CDH26: variants seen among roughly 807,000 people sequenced by gnomAD.
CDH26 encodes the protein cadherin-like protein 26.
Under a neutral mutation model 90.3 loss-of-function variants are expected in CDH26, and 83 were observed. The observed-to-expected ratio is 0.92, with a 90% confidence interval of 0.77 to 1.10. The LOEUF (loss-of-function observed/expected upper bound fraction) is 1.10. Ranked by LOEUF, CDH26 falls within the 50% of genes least tolerant of loss-of-function variation. CDH26 has a pLI of 0.00. For missense variants in CDH26, 1,013 were observed against 1,037.6 expected (o/e 0.98, Z 0.33); for synonymous variants, 397 against 396.3 (o/e 1.00, Z -0.02).
At chr20:60,019,629 G>A (rs575945091) in intron 7 of CDH26, among the ~76,000 whole-genome samples, 5 of 151,828 alleles carry the variant, frequency 3.3e-5, no homozygotes, top group East Asian at 1.9e-4. Context: ...TTGTCTATTT[G>A]TATTCTCTTA....
At chr20:60,024,786 A>C (rs1601226804) in intron 7 of CDH26, among the ~76,000 whole-genome samples, 2 of 152,240 alleles carry the variant, frequency 1.3e-5, no homozygotes, top group African/African-American at 4.8e-5. Flanking sequence ...CTTAAGAAAT[A>C]AAACCCTGAA....
At chr20:59,958,816 A>G (rs745909282) in intron 1 of CDH26, 21 bp downstream of exon 1, 2 of 1,609,800 alleles carry the variant, frequency 1.2e-6, no homozygotes, top group Non-Finnish European at 1.7e-6. Flanking sequence ...CCTGCAGCCT[A>G]GTGCTCAGGT....
chr20:59,988,584 C>T (rs1047758301), intron 8 of CDH26, among the ~76,000 whole-genome samples: 1 of 152,144 alleles, frequency 6.6e-6, no homozygotes, highest in Non-Finnish European at 1.5e-5. Context: ...TCCCTAAGTT[C>T]CCCTGATTTT....
chr20:60,020,993 G>A (rs77239102), intron 7 of CDH26, among the ~76,000 whole-genome samples: 3,458 of 152,268 alleles, frequency 0.023, 66 homozygotes, highest in Middle Eastern at 0.071. Context: ...GCAGATGCAC[G>A]GTGCCTCTAC....
At position 59,958,707 on chromosome 20, in the gene CDH26, T is replaced by C. The variant is rs991436812; in HGVS notation, c.-20T>C. The C allele has an allele frequency of 8.7e-6, 14 of 1,613,464 alleles. No homozygotes were observed. The highest frequency in any genetic ancestry group is 1.2e-5 in the Non-Finnish European group (14 of 1,179,494). On this transcript the variant is annotated 5_prime_UTR_variant, in exon 1 of 18. Coordinates refer to ENST00000348616, the MANE Select transcript of CDH26 (RefSeq NM_177980.4). The stretch of plus-strand genomic sequence containing the variant: ...CTGGTCATCAGCTGCACGTTCTGGG[T>C]CTGTCTTGGGTATTCCCATATGGCC...
At chr20:60,035,565 AT>A (rs141231906), downstream of CDH26, among the ~76,000 whole-genome samples, 1,419 of 143,786 alleles carry the variant, frequency 9.9e-3, 10 homozygotes, top group South Asian at 0.031. Context: ...TCATTTACCC[AT>A]TTTTTTTTTT....
chr20:59,985,403 G>A (rs1229507693), intron 7 of CDH26, among the ~76,000 whole-genome samples: 1 of 152,024 alleles, frequency 6.6e-6, no homozygotes, highest in South Asian at 2.1e-4. Context: ...CATGTCACTC[G>A]GTGACAACAA....
intron 15 of CDH26, among the ~76,000 whole-genome samples, chr20:60,002,391 A>G (rs1216540014): frequency 6.6e-6 from 1 of 151,808 alleles, no homozygotes; most frequent in Non-Finnish European, 1.5e-5. Flanking sequence ...CTCCCACTCT[A>G]AAGAACCTCT....
At chr20:59,963,300 G>C (rs911233337) in intron 1 of CDH26, among the ~76,000 whole-genome samples, 14 of 144,806 alleles carry the variant, frequency 9.7e-5, no homozygotes, top group African/African-American at 3.1e-4. Context: ...GCCCAGGCTG[G>C]AGTGCAGTGG....
At chr20:60,009,565 G>A (rs576340962) in intron 17 of CDH26, among the ~76,000 whole-genome samples, 1 of 152,160 alleles carries the variant, frequency 6.6e-6, no homozygotes, top group African/African-American at 2.4e-5. Context: ...CTCCCTCTGC[G>A]GGGCAGGGAG....
At chr20:59,971,169 TAGA>T (rs1233407425) in intron 3 of CDH26, among the ~76,000 whole-genome samples, 1 of 152,164 alleles carries the variant, frequency 6.6e-6, no homozygotes, top group East Asian at 1.9e-4. Context: ...CTATGATTCT[TAGA>T]AGAAGGAAAT....
intron 15 of CDH26, among the ~76,000 whole-genome samples, chr20:60,002,259 CA>C (rs1423938591): frequency 6.6e-6 from 1 of 151,914 alleles, no homozygotes; most frequent in African/African-American, 2.4e-5. Flanking sequence ...GATGATGCCA[CA>C]AATCCATCAC....
In CDH26 at chr20:59,989,669, A is replaced by G. The variant is rs571446443; in HGVS notation, c.1283+506A>G. Among the ~76,000 whole-genome samples, 6 of 152,272 alleles carry G rather than the reference A, an allele frequency of 3.9e-5. No individual in the cohort carries two copies. In the South Asian group the frequency reaches 6.2e-4, roughly 16 times the overall value. On this transcript the variant is annotated intron_variant, in intron 9 of 17. Transcript: ENST00000348616. ...CTGAGTTAAATGTCGTCTTCTATCCATAGGTTTTTCTGACCCCAGCAGAAG... is the reference window on the plus strand; with the variant it reads ...CTGAGTTAAATGTCGTCTTCTATCCGTAGGTTTTTCTGACCCCAGCAGAAG...
chr20:59,981,741 A>G (rs2061397487), intron 4 of CDH26, among the ~76,000 whole-genome samples: 1 of 152,132 alleles, frequency 6.6e-6, no homozygotes, highest in Admixed American at 6.5e-5. Flanking sequence ...ATTTACAAAA[A>G]TTTGACTTTG....
intron 9 of CDH26, among the ~76,000 whole-genome samples, chr20:59,991,822 T>TCCAATGGCTCCAAC (rs1355114414): frequency 6.6e-6 from 1 of 152,002 alleles, no homozygotes; most frequent in Non-Finnish European, 1.5e-5. Context: ...AAGGATGCAA[T>TCCAATGGCTCCAAC]CCAATGGCTG....
chr20:59,987,388 C>G, intron 7 of CDH26, 65 bp from the exon 8 acceptor site: 1 of 1,348,966 alleles, frequency 7.4e-7, no homozygotes, highest in Non-Finnish European at 1.0e-6. Context: ...CCTCCTTCCT[C>G]TCTGCTTTCC....
intron 5 of CDH26, 57 bp downstream of exon 5, chr20:59,983,127 A>G (rs2061414016): frequency 1.0e-5 from 16 of 1,564,422 alleles, no homozygotes; most frequent in Middle Eastern, 3.4e-4. Flanking sequence ...GTTCCTTTTC[A>G]TTAATATTGA....
At chr20:59,970,255 A>G in intron 3 of CDH26, 69 bp downstream of exon 3, 3 of 1,577,862 alleles carry the variant, frequency 1.9e-6, no homozygotes, top group Non-Finnish European at 2.6e-6. Context: ...TTGGCCAGGA[A>G]GATTAAGTCT....
chr20:59,970,621 C>T (rs1302365634), intron 3 of CDH26, among the ~76,000 whole-genome samples: 1 of 151,462 alleles, frequency 6.6e-6, no homozygotes, highest in Non-Finnish European at 1.5e-5. Context: ...CCATCCTGGC[C>T]AACATGGTGA....
Sources: allele counts gnomAD v4.1 joint callset (sites outside exome capture counted in the v4.1 genomes callset), GRCh38; gene constraint gnomAD v4.1.1; transcripts MANE v1.5; gene names NCBI Gene and HGNC (gene_info 2026-07-23, HGNC 2026-07-21).